Variants in COL9A2 observed in about 807,000 individuals in gnomAD.
COL9A2 encodes collagen type IX alpha 2 chain.
Under a neutral mutation model 111.6 loss-of-function variants are expected in COL9A2, and 66 were observed. The observed-to-expected ratio is 0.59, with a 90% CI of 0.48 to 0.73. COL9A2 has a LOEUF of 0.73. Among genes scored for constraint, COL9A2 ranks in the 30% least tolerant of loss-of-function variants. The pLI is 0.00. For missense variants in COL9A2, 881 were observed against 954.1 expected (o/e 0.92, Z 1.01); for synonymous variants, 353 against 364.1 (o/e 0.97, Z 0.35).
chr1:40,311,444 C>CCCAAA lies in COL9A2; in HGVS notation c.519+55_519+56insTTTGG. 6.4e-7 allele frequency: 1 copy of CCCAAA among 1,555,786 alleles called. No homozygotes were observed. The highest frequency in any genetic ancestry group is 8.9e-7 in the Non-Finnish European group (1 of 1,129,068). On this transcript the variant is annotated intron_variant, in intron 10 of 31. Transcript: ENST00000372748. This position sits in a 1 kb window ranked among gnomAD's most constrained non-coding sequence, Gnocchi z 5.1. Reference sequence around the variant, plus strand: ...CCCCCATCTCCGTGGCCCCGCCTCCCCATCTCTGTGGCCCCGCCCCCCTGT... The same window carrying CCCAAA: ...CCCCCATCTCCGTGGCCCCGCCTCCCCCAAACATCTCTGTGGCCCCGCCCCCCTGT...
In COL9A2 at chr1:40,301,196, T is replaced by C. The variant is rs1643908954; in HGVS notation, c.2056A>G (p.Ile686Val). Residue 686 changes from isoleucine to valine, a missense_variant, in exon 32 of 32, where the codon ATC becomes GTC. By Grantham distance (29) the Ile-to-Val change is conservative (BLOSUM62 3). Transcript: ENST00000372748. The stretch of plus-strand genomic sequence containing the variant: ...GGGCCTGATGCTCAAGGCCCCTTGA[T>C]GGATCCAGGCTCTGTAAGGCGGGCA... ...ASARLTEPGSIKGP is the reference protein window; with the variant it reads ...ASARLTEPGSVKGP The C allele has an allele frequency of 5.0e-6, 8 of 1,613,660 alleles. No individual in the cohort carries two copies. The highest frequency in any genetic ancestry group is 6.8e-6 in the Non-Finnish European group (8 of 1,180,020).
chr1:40,315,682 G>A lies in COL9A2; in HGVS notation c.76-18C>T, dbSNP rs1457354714. The A allele has an allele frequency of 1.3e-6, 2 of 1,544,950 alleles. No individual in the cohort carries two copies. The highest frequency in any genetic ancestry group is 4.0e-5 in the Admixed American group (2 of 50,264). On this transcript the variant is annotated intron_variant, in intron 1 of 31. Coordinates refer to ENST00000372748, the MANE Select transcript of COL9A2 (RefSeq NM_001852.4). ...GGACCTCTCTGAAAAACACACACGGGGTGGGGCAGTCCTCAGACAGTGCAG... is the reference window on the plus strand; with the variant it reads ...GGACCTCTCTGAAAAACACACACGGAGTGGGGCAGTCCTCAGACAGTGCAG...
rs779326402 is a variant in COL9A2 at position 40,303,927 on chromosome 1, C to T, written c.1368+1G>A. On this transcript the variant is annotated splice_donor_variant, in intron 26 of 31. Coordinates refer to ENST00000372748, the MANE Select transcript of COL9A2 (RefSeq NM_001852.4). LOFTEE classifies it high-confidence loss of function. This position sits in a 1 kb window ranked among gnomAD's most constrained non-coding sequence, Gnocchi z 4.6. ...CGCCCTTCCCTAGGCCGCGCGCTCA[C>T]CTTCTCGCCTTTCTCTCCGGGGAGG... 2 of 1,555,192 alleles carry T rather than the reference C, an allele frequency of 1.3e-6. No homozygotes were observed. Among genetic ancestry groups the T allele is most frequent in the South Asian group, 2.4e-5 (2 of 84,416 alleles).
In COL9A2 at chr1:40,304,371, G is replaced by C; in HGVS notation, c.1236C>G (p.Gly412=). The C allele has an allele frequency of 6.3e-7, 1 of 1,588,792 alleles. No individual in the cohort carries two copies. The highest frequency in any genetic ancestry group is 8.6e-7 in the Non-Finnish European group (1 of 1,166,928). ...QGRQGPKGEQ[G]PPGIPGPQGL... is the part of the protein sequence containing the mutation. ...CTTGGGGCCCTGGAATTCCGGGGGG[G>C]CCCTGCTCCCCCTTAGGGCCCTGAG... Residue 412 remains glycine, a synonymous_variant, in exon 24 of 32, where the codon GGC becomes GGG. Coordinates refer to ENST00000372748, the MANE Select transcript of COL9A2 (RefSeq NM_001852.4).
intron 16 of COL9A2, 37 bp downstream of exon 16, chr1:40,309,900 AG>A: frequency 6.2e-7 from 1 of 1,610,312 alleles, no homozygotes; most frequent in South Asian, 1.1e-5. Flanking sequence ...AGTACTCCCC[AG>A]GGGTCCTGAC....
rs1469146377 is a variant in COL9A2 at position 40,302,257 on chromosome 1, C to T, written c.1792+364G>A. 6.6e-6 allele frequency among the ~76,000 whole-genome samples: 1 copy of T among 152,100 alleles called. No homozygotes were observed. The highest frequency in any genetic ancestry group is 1.5e-5 in the Non-Finnish European group (1 of 68,022). ...TAAACCTAAGGCCCAGGGAAATTAG[C>T]AGGTAACTCGTCTGAGAGCCACGAT... is the stretch of plus-strand genomic sequence containing the variant. On this transcript the variant is annotated intron_variant, in intron 30 of 31. Coordinates refer to ENST00000372748, the MANE Select transcript of COL9A2 (RefSeq NM_001852.4). This position sits in a 1 kb window ranked among gnomAD's most constrained non-coding sequence, Gnocchi z 4.5.
chr1:40,304,188 T>C, intron 24 of COL9A2, 89 bp from the exon 25 acceptor site: 1 of 1,514,358 alleles, frequency 6.6e-7, no homozygotes, highest in Non-Finnish European at 8.9e-7. Context: ...TCTTTCCAAC[T>C]CCGCCTCGCC....
Position 40,303,183 on chromosome 1 carries a change from G to A in COL9A2, c.1551C>T (p.Gly517=), listed in dbSNP as rs140697524. The part of the protein sequence containing the change: ...PGQPGRQGVE[G]RDATDQHIVD... ...CGATGTGCTGGTCAGTGGCATCCCG[G>A]CCCTGAAAGCAGAGGCCTTTCAGGA... The change falls in exon 29 of 32, where the codon GGC becomes GGT. Residue 517 remains glycine, a splice_region_variant and synonymous_variant. Coordinates refer to ENST00000372748, the MANE Select transcript of COL9A2 (RefSeq NM_001852.4). The surrounding 1 kb of genome is among the most constrained non-coding windows in gnomAD (Gnocchi z 4.6). 3.9e-4 allele frequency: 631 copies of A among 1,610,918 alleles called. 5 individuals carry two copies. The African/African-American group carries it at 7.1e-3, about 18-fold the overall frequency.
At chr1:40,315,474 G>C in intron 2 of COL9A2, 116 bp downstream of exon 2, 1 of 1,465,570 alleles carries the variant, frequency 6.8e-7, no homozygotes, top group Admixed American at 2.6e-5. Context: ...GCCTATTGGC[G>C]ACGAGGGGCA....
rs1644177942 is a variant in COL9A2 at position 40,314,171 on chromosome 1, C to T, written c.249+34G>A. The T allele has an allele frequency of 1.2e-6, 2 of 1,609,742 alleles. No individual in the cohort carries two copies. The highest frequency in any genetic ancestry group is 1.1e-5 in the South Asian group (1 of 90,968). ...GGCCCTGGAGGTCAATTGGCAGAGC[C>T]CTACCCTGCCCCACCCGACACTCAG... On this transcript the variant is annotated intron_variant, in intron 4 of 31. Coordinates refer to ENST00000372748, the MANE Select transcript of COL9A2 (RefSeq NM_001852.4). The surrounding 1 kb of genome is among the most constrained non-coding windows in gnomAD (Gnocchi z 4.1).
At position 40,307,520 on chromosome 1, in the gene COL9A2, A is replaced by G; in HGVS notation, c.955-21T>C. 6.2e-7 allele frequency: 1 copy of G among 1,614,018 alleles called. No individual in the cohort carries two copies. Among genetic ancestry groups the G allele is most frequent in the Non-Finnish European group, 8.5e-7 (1 of 1,179,882 alleles). ...CTGCCCTGGGATAGACAGATAACCA[A>G]AGATACAAATTAAAGCTCCAGCCAG... On this transcript the variant is annotated intron_variant, in intron 18 of 31. Coordinates refer to ENST00000372748, the MANE Select transcript of COL9A2 (RefSeq NM_001852.4). This position sits in a 1 kb window ranked among gnomAD's most constrained non-coding sequence, Gnocchi z 4.8.
In COL9A2 at chr1:40,303,719, G is replaced by A. The variant is rs2124047776; in HGVS notation, c.1402-43C>T. ...TGGGAGCAGAGCCGGGTGAGAAGGC[G>A]CCCGGGTGGGCGAGAGTGGGGGGTG... On this transcript the variant is annotated intron_variant, in intron 27 of 31. Transcript: ENST00000372748. The surrounding 1 kb of genome is among the most constrained non-coding windows in gnomAD (Gnocchi z 4.6). 1 of 1,462,248 alleles carries A rather than the reference G, an allele frequency of 6.8e-7. No homozygotes were observed. Among genetic ancestry groups the A allele is most frequent in the African/African-American group, 1.4e-5 (1 of 71,450 alleles). The allele number at this position is 1,462,248 out of a possible 1,614,324, so 90.6% of individuals were successfully genotyped here. A position where few individuals can be genotyped will look rare whatever the true frequency, so the allele number is the denominator to read the frequency against.
intron 16 of COL9A2, among the ~76,000 whole-genome samples, chr1:40,308,554 T>C (rs1644066797): frequency 1.3e-5 from 2 of 152,234 alleles, no homozygotes; most frequent in Admixed American, 1.3e-4. Context: ...AACAACCGAA[T>C]GCAGTGTGTG....
In COL9A2 at chr1:40,315,572, C is replaced by G; in HGVS notation, c.150+18G>C. ...TCTGCCGCCTCCCTCCCGCCCTGGT[C>G]TCAGGTTAGAGACTTACGTCGATGC... is the stretch of plus-strand genomic sequence containing the variant. On this transcript the variant is annotated intron_variant, in intron 2 of 31. Transcript: ENST00000372748. 2 of 1,550,642 alleles carry G rather than the reference C, an allele frequency of 1.3e-6. No homozygotes were observed. Among genetic ancestry groups the G allele is most frequent in the Non-Finnish European group, 8.7e-7 (1 of 1,146,032 alleles).
In COL9A2 at chr1:40,314,223, G is replaced by GTCTGGCCCA. The variant is rs767763762; in HGVS notation, c.222_230dup (p.Pro76_Gly78dup). 1.9e-6 allele frequency: 3 copies of GTCTGGCCCA among 1,614,172 alleles called. No homozygotes were observed. The South Asian group carries it at 3.3e-5, about 18-fold the overall frequency. On this transcript the variant is annotated inframe_insertion, in exon 4 of 32. Transcript: ENST00000372748. This position sits in a 1 kb window ranked among gnomAD's most constrained non-coding sequence, Gnocchi z 4.1. ...TACTCACATCAATCCCGGGCTTCCC[G>GTCTGGCCCA]TCTGGCCCATCTGGCCCAGCTTTGC...
Position 40,303,819 on chromosome 1 carries a change from C to A in COL9A2, c.1389G>T (p.Gly463=), listed in dbSNP as rs866692908. ...KGEKGESGEP[G]PKGQQGVRGE... ...GGGGAGGACTCACCTGTCCCTTGGGCCCCGGCTCGCCGGACTCGCCCTGCA... is the reference window on the plus strand; with the variant it reads ...GGGGAGGACTCACCTGTCCCTTGGGACCCGGCTCGCCGGACTCGCCCTGCA... The change falls in exon 27 of 32, where the codon GGG becomes GGT. Residue 463 remains glycine (G), a synonymous_variant. Coordinates refer to ENST00000372748, the MANE Select transcript of COL9A2 (RefSeq NM_001852.4). The surrounding 1 kb of genome is among the most constrained non-coding windows in gnomAD (Gnocchi z 4.6). 3 of 1,562,336 alleles carry A rather than the reference C, an allele frequency of 1.9e-6. No homozygotes were observed. Among genetic ancestry groups the A allele is most frequent in the Non-Finnish European group, 2.6e-6 (3 of 1,154,562 alleles).
At position 40,312,477 on chromosome 1, in the gene COL9A2, G is replaced by A. The variant is rs781228778; in HGVS notation, c.342C>T (p.Gly114=). Residue 114 remains glycine (G), a splice_region_variant and synonymous_variant, in exon 7 of 32, where the codon GGC becomes GGT. Transcript: ENST00000372748. This position sits in a 1 kb window ranked among gnomAD's most constrained non-coding sequence, Gnocchi z 6.0. ...PGLPGPPGLP[G]PGFAGPPGPP... ...TTACAGGAGGTCCAGCAAAACCAGG[G>A]CCCTGGAACAGAAAGAAAGAAAATT... 1 of 1,613,828 alleles carries A rather than the reference G, an allele frequency of 6.2e-7. No individual in the cohort carries two copies. Among genetic ancestry groups the A allele is most frequent in the South Asian group, 1.1e-5 (1 of 90,994 alleles).
chr1:40,317,208 G>A lies in COL9A2; in HGVS notation c.-11C>T. On this transcript the variant is annotated 5_prime_UTR_variant, in exon 1 of 32. Coordinates refer to ENST00000372748, the MANE Select transcript of COL9A2 (RefSeq NM_001852.4). The surrounding 1 kb of genome is among the most constrained non-coding windows in gnomAD (Gnocchi z 4.3). ...CGTAGCGGCGGCCATGGCTGGCGGC[G>A]AGACCAAGGGGGACGGGTGCGTGTC... 1 of 1,560,702 alleles carries A rather than the reference G, an allele frequency of 6.4e-7. No homozygotes were observed. Among genetic ancestry groups the A allele is most frequent in the Non-Finnish European group, 8.7e-7 (1 of 1,151,400 alleles).
intron 19 of COL9A2, 58 bp from the exon 20 acceptor site, chr1:40,306,245 G>A (rs1644028356): frequency 6.3e-7 from 1 of 1,589,200 alleles, no homozygotes; most frequent in African/African-American, 1.3e-5. Context: ...CCATGCACCT[G>A]CTGCTTTGCT....
Sources: allele counts gnomAD v4.1 joint callset (sites outside exome capture counted in the v4.1 genomes callset), GRCh38; gene constraint gnomAD v4.1.1; non-coding constraint Gnocchi (gnomAD v3.1); transcripts MANE v1.5; gene names NCBI Gene and HGNC (gene_info 2026-07-23, HGNC 2026-07-21).